The following WWOX variants were observed in gnomAD, a reference collection of about 807,000 sequenced individuals.
The protein encoded by WWOX is WW domain containing oxidoreductase, also known as WW domain-containing oxidoreductase.
In WWOX, 69 loss-of-function variants were observed where a neutral mutation model predicts 46.2. The ratio of observed to expected loss-of-function variants is 1.49; its 90% confidence interval spans 1.23 to 1.82. The LOEUF (loss-of-function observed/expected upper bound fraction) is 1.82, where lower values mean the gene tolerates loss of function less well. Ranked by LOEUF, WWOX falls within the 40% of genes most tolerant of loss-of-function variation. The pLI, the probability that WWOX is intolerant of heterozygous loss-of-function variation, is 0.00. For synonymous variants in WWOX, 359 were observed against 202.6 expected (o/e 1.77, Z -6.56); for missense variants, 919 against 542.6 (o/e 1.69, Z -6.89).
intron 8 of WWOX, among the ~76,000 whole-genome samples, chr16:78,902,462 G>A (rs115350299): frequency 0.014 from 2,151 of 152,334 alleles, 38 homozygotes; most frequent in African/African-American, 0.049. Context: ...GCTAAGAGGT[G>A]GATGAAAGGC....
chr16:78,126,709 G>A (rs2033376934), intron 4 of WWOX, among the ~76,000 whole-genome samples: 17 of 152,148 alleles, frequency 1.1e-4, no homozygotes, highest in Admixed American at 1.1e-3. Context: ...AATCTTTTAA[G>A]CACACATCTT....
intron 5 of WWOX, among the ~76,000 whole-genome samples, chr16:78,358,461 C>T (rs145813358): frequency 6.6e-6 from 1 of 152,214 alleles, no homozygotes; most frequent in Non-Finnish European, 1.5e-5. Context: ...AGTTTGAGAC[C>T]AGCCTGGCCA....
intron 8 of WWOX, chr16:78,891,141 T>C (rs1001397418): frequency 6.6e-6 from 1 of 152,210 alleles, no homozygotes; most frequent in African/African-American, 2.4e-5. Flanking sequence ...GTTTAAATCT[T>C]CCTTTAGTTC....
intron 8 of WWOX, among the ~76,000 whole-genome samples, chr16:79,114,028 C>G (rs957532819): frequency 6.6e-6 from 1 of 152,142 alleles, no homozygotes; most frequent in Non-Finnish European, 1.5e-5. Context: ...TTCCTGACAG[C>G]CCCAGGTGCT....
At chr16:78,892,018 C>T (rs563546011) in intron 8 of WWOX, 1 of 152,202 alleles carries the variant, frequency 6.6e-6, no homozygotes, top group South Asian at 2.1e-4. Context: ...TGTTTTAAAA[C>T]TCCAGGCCTA....
At chr16:79,103,050 G>A (rs1019149987) in intron 8 of WWOX, among the ~76,000 whole-genome samples, 6 of 150,812 alleles carry the variant, frequency 4.0e-5, no homozygotes, top group African/African-American at 1.5e-4. Flanking sequence ...TTTGCTTCTT[G>A]CTTTGGGCAA....
chr16:78,329,390 A>C (rs910611980), intron 5 of WWOX, among the ~76,000 whole-genome samples: 1 of 152,182 alleles, frequency 6.6e-6, no homozygotes, highest in Admixed American at 6.5e-5. Context: ...AACAACCTCC[A>C]CCACGAAGGT....
chr16:78,226,038 C>T (rs568239432), intron 5 of WWOX, among the ~76,000 whole-genome samples: 17 of 152,200 alleles, frequency 1.1e-4, no homozygotes, highest in Non-Finnish European at 2.1e-4. Context: ...AACAAAACAA[C>T]GAAAACTTGG....
intron 8 of WWOX, among the ~76,000 whole-genome samples, chr16:78,486,919 G>C (rs1340797620): frequency 1.3e-5 from 2 of 152,174 alleles, no homozygotes; most frequent in Non-Finnish European, 2.9e-5. Flanking sequence ...TGAAGTTGAT[G>C]ATCTATTCCT....
intron 8 of WWOX, among the ~76,000 whole-genome samples, chr16:79,099,593 TGA>T (rs10598848): frequency 0.17 from 25,343 of 147,936 alleles, 2,083 homozygotes; most frequent in South Asian, 0.23. Flanking sequence ...TGTGTGTTTG[TGA>T]GAGAGAGAGA....
intron 2 of WWOX, 129 bp from the exon 3 acceptor site, chr16:78,109,649 T>TG: frequency 1.2e-6 from 1 of 859,884 alleles, no homozygotes; most frequent in Non-Finnish European, 1.9e-6. Context: ...GAAAGCCAGT[T>TG]GATGTGACAA....
chr16:78,962,169 C>T (rs1215187554), intron 8 of WWOX, among the ~76,000 whole-genome samples: 1 of 151,986 alleles, frequency 6.6e-6, no homozygotes, highest in Non-Finnish European at 1.5e-5. Flanking sequence ...GAAGAGAAGC[C>T]TAGGCTTTAA....
At chr16:78,347,923 G>T (rs1207276399) in intron 5 of WWOX, among the ~76,000 whole-genome samples, 1 of 121,934 alleles carries the variant, frequency 8.2e-6, no homozygotes, top group African/African-American at 2.8e-5. Context: ...ATGGACTATG[G>T]TCTTATTCTG....
At chr16:78,227,700 A>C (rs552732098) in intron 5 of WWOX, among the ~76,000 whole-genome samples, 92 of 152,044 alleles carry the variant, frequency 6.1e-4, no homozygotes, top group Non-Finnish European at 9.0e-4. Flanking sequence ...AACATGGTGA[A>C]ACCCTGTCTC....
chr16:78,510,365 A>G (rs1188683463), intron 8 of WWOX, among the ~76,000 whole-genome samples: 1 of 151,886 alleles, frequency 6.6e-6, no homozygotes, highest in Admixed American at 6.6e-5. Flanking sequence ...ACCACCATGC[A>G]CAGCTAATTT....
At chr16:78,943,169 G>A (rs76286116) in intron 8 of WWOX, among the ~76,000 whole-genome samples, 6,213 of 152,212 alleles carry the variant, frequency 0.041, 397 homozygotes, top group East Asian at 0.18. Flanking sequence ...TGTCATTTGA[G>A]TGCTTTCTAT....
At chr16:78,955,378 T>G (rs983689695) in intron 8 of WWOX, among the ~76,000 whole-genome samples, 1 of 152,134 alleles carries the variant, frequency 6.6e-6, no homozygotes, top group Admixed American at 6.5e-5. Context: ...GCCGCAGCAC[T>G]CAGGTCAGAC....
intron 5 of WWOX, among the ~76,000 whole-genome samples, chr16:78,263,751 T>G (rs1044543564): frequency 2.6e-5 from 4 of 152,184 alleles, no homozygotes; most frequent in Non-Finnish European, 5.9e-5. Flanking sequence ...TTCCCAGAGA[T>G]TTATCTGCCA....
chr16:78,326,058 G>A (rs192081284), intron 5 of WWOX, among the ~76,000 whole-genome samples: 1 of 152,138 alleles, frequency 6.6e-6, no homozygotes, highest in Non-Finnish European at 1.5e-5. Context: ...GCAGAAGGGG[G>A]AGGTAGGAGT....
Sources: allele counts gnomAD v4.1 joint callset (sites outside exome capture counted in the v4.1 genomes callset), GRCh38; gene constraint gnomAD v4.1.1; transcripts MANE v1.5; gene names NCBI Gene and HGNC (gene_info 2026-07-23, HGNC 2026-07-21).